DDX46: variants seen among roughly 807,000 people sequenced by gnomAD.
DDX46 encodes the protein DEAD-box helicase 46.
In DDX46, 30 loss-of-function variants were observed where a neutral mutation model predicts 134.9. The ratio of observed to expected loss-of-function variants is 0.22; its 90% CI spans 0.17 to 0.30. The LOEUF is 0.30. DDX46 is among the 10% of genes least tolerant of loss of function. The pLI, the probability that DDX46 is intolerant of heterozygous loss-of-function variation, is 1.00. For synonymous variants in DDX46, 415 were observed against 404.1 expected (o/e 1.03, Z -0.32); for missense variants, 622 against 1,248.7 (o/e 0.50, Z 7.56).
Position 134,805,040 on chromosome 5 carries a change from A to G in DDX46, c.1955-2708A>G, listed in dbSNP as rs78221540. On this transcript the variant is annotated intron_variant, in intron 15 of 22. Transcript: ENST00000452510. ...CAACTTTGTTGGTATAAAGGTAAACAATTCTATTACCAGGGATTCCAGACA... is the reference window on the plus strand; with the variant it reads ...CAACTTTGTTGGTATAAAGGTAAACGATTCTATTACCAGGGATTCCAGACA... The G allele has an allele frequency of 6.9e-3, 2,472 of 357,632 alleles. 14 individuals carry two copies. Among genetic ancestry groups the G allele is most frequent in the Middle Eastern group, 0.031 (28 of 910 alleles). 22.2% of individuals were successfully genotyped at this position (357,632 alleles called of 1,614,324 possible).
intron 1 of DDX46, among the ~76,000 whole-genome samples, chr5:134,763,521 C>CA (rs1753461555): frequency 6.6e-6 from 1 of 152,188 alleles, no homozygotes; most frequent in African/African-American, 2.4e-5. Flanking sequence ...TGTATATCTA[C>CA]ATGGCTCCTT....
Position 134,788,653 on chromosome 5 carries a change from A to G in DDX46, c.1543+62A>G. 3 of 1,423,052 alleles carry G rather than the reference A, an allele frequency of 2.1e-6. No individual in the cohort carries two copies. The South Asian group carries it at 3.5e-5, about 17-fold the overall frequency. 88.2% of individuals were successfully genotyped at this position (1,423,052 alleles called of 1,614,324 possible). On this transcript the variant is annotated intron_variant, in intron 12 of 22. Coordinates refer to ENST00000452510, the MANE Select transcript of DDX46 (RefSeq NM_001300860.2). ...TGAATTCTTTACTTTTTTTTGTTAA[A>G]ACAGATGCAAGAAACCAACAAAGGG...
intron 12 of DDX46, among the ~76,000 whole-genome samples, chr5:134,788,909 A>G (rs1223386379): frequency 6.6e-6 from 1 of 152,008 alleles, no homozygotes; most frequent in Non-Finnish European, 1.5e-5. Flanking sequence ...ATATTTTTGC[A>G]ATTTAAAATT....
At chr5:134,782,665 C>T (rs1453686219) in intron 8 of DDX46, among the ~76,000 whole-genome samples, 4 of 151,852 alleles carry the variant, frequency 2.6e-5, no homozygotes, top group African/African-American at 4.8e-5. Context: ...GTCAGCCTCC[C>T]GAGTAGCTGG....
At chr5:134,825,906 C>T (rs1441327693) in intron 21 of DDX46, 1 of 152,176 alleles carries the variant, frequency 6.6e-6, no homozygotes, top group Non-Finnish European at 1.5e-5. Context: ...ACCTGTTTAC[C>T]TCCTGGAATC....
rs769375039 is a variant in DDX46, at chr5:134,764,017, A to C, written c.131A>C (p.Asp44Ala). The change falls in exon 2 of 23, where the codon GAT becomes GCT. Residue 44 changes from aspartate to alanine, a missense_variant. Transcript: ENST00000452510. ...GATGACAGACGGTCTAGAAGTAGAGATAGAGATAGGAGGAGAGAGAGGTCT... is the reference window on the plus strand; with the variant it reads ...GATGACAGACGGTCTAGAAGTAGAGCTAGAGATAGGAGGAGAGAGAGGTCT... The part of the protein sequence containing the change: ...RGDDRRSRSR[D>A]RDRRRERSRS... 1 of 1,614,220 alleles carries C rather than the reference A, an allele frequency of 6.2e-7. No individual in the cohort carries two copies. Among genetic ancestry groups the C allele is most frequent in the Non-Finnish European group, 8.5e-7 (1 of 1,180,042 alleles).
At chr5:134,791,036 T>G (rs1408806393) in intron 13 of DDX46, among the ~76,000 whole-genome samples, 1 of 152,226 alleles carries the variant, frequency 6.6e-6, no homozygotes, top group Non-Finnish European at 1.5e-5. Flanking sequence ...CAGGCTGGTC[T>G]CGAACTCCTG....
At chr5:134,767,650 C>T (rs1451030264) in intron 3 of DDX46, among the ~76,000 whole-genome samples, 1 of 151,350 alleles carries the variant, frequency 6.6e-6, no homozygotes, top group African/African-American at 2.4e-5. Flanking sequence ...CAAGACTTGT[C>T]TTAAAAGTTA....
chr5:134,777,078 C>T (rs1014378150), intron 5 of DDX46, among the ~76,000 whole-genome samples: 1 of 152,066 alleles, frequency 6.6e-6, no homozygotes, highest in African/African-American at 2.4e-5. Flanking sequence ...GGCATGGTGG[C>T]GGGCACCTGT....
chr5:134,823,538 G>C (rs1755513177), intron 21 of DDX46, among the ~76,000 whole-genome samples: 1 of 152,158 alleles, frequency 6.6e-6, no homozygotes, highest in South Asian at 2.1e-4. Context: ...TGTGTGGCCA[G>C]AACTAGGCAA....
chr5:134,827,526 G>A (rs548201491), intron 22 of DDX46, among the ~76,000 whole-genome samples: 13 of 152,270 alleles, frequency 8.5e-5, no homozygotes, highest in African/African-American at 2.2e-4. Flanking sequence ...ACCTGCCTTG[G>A]CCTCCCAAAG....
intron 15 of DDX46, among the ~76,000 whole-genome samples, chr5:134,797,975 G>C (rs924225243): frequency 1.4e-4 from 21 of 151,664 alleles, no homozygotes; most frequent in Non-Finnish European, 2.8e-4. Context: ...ACCATGCCTG[G>C]CTAATTTTGT....
chr5:134,781,437 T>G (rs111867417), intron 7 of DDX46, among the ~76,000 whole-genome samples, 191 bp downstream of exon 7: 2 of 152,288 alleles, frequency 1.3e-5, no homozygotes, highest in African/African-American at 4.8e-5. Flanking sequence ...TCTGATGTCT[T>G]CATTCCTAAC....
At chr5:134,759,087 T>G (rs1037902535) in intron 1 of DDX46, 132 bp downstream of exon 1, 1 of 1,397,494 alleles carries the variant, frequency 7.2e-7, no homozygotes, top group Non-Finnish European at 9.6e-7. Context: ...CCGCGAGCAT[T>G]GGAAGGGCTG....
chr5:134,772,873 C>T (rs887740469), intron 4 of DDX46, among the ~76,000 whole-genome samples: 1 of 152,100 alleles, frequency 6.6e-6, no homozygotes, highest in Admixed American at 6.6e-5. Context: ...GTGATCTCAG[C>T]TCGCTGCAAC....
intron 4 of DDX46, among the ~76,000 whole-genome samples, chr5:134,771,820 CCT>C (rs1470118328): frequency 6.6e-6 from 1 of 152,110 alleles, no homozygotes; most frequent in East Asian, 1.9e-4. Flanking sequence ...AATATTTACC[CCT>C]GTGGGAAAAT....
intron 18 of DDX46, 150 bp downstream of exon 18, chr5:134,811,995 A>C (rs569989357): frequency 1.4e-6 from 1 of 737,014 alleles, no homozygotes; most frequent in African/African-American, 1.8e-5. Context: ...TGCCTACTAC[A>C]TACCAGTACC....
intron 4 of DDX46, among the ~76,000 whole-genome samples, chr5:134,772,987 A>G (rs892564203): frequency 1.3e-5 from 2 of 152,140 alleles, no homozygotes; most frequent in African/African-American, 4.8e-5. Context: ...TTTAGTAGAG[A>G]CAGGGTTTCA....
intron 9 of DDX46, 132 bp downstream of exon 9, chr5:134,783,197 AT>A (rs1754209891): frequency 3.3e-6 from 4 of 1,230,450 alleles, no homozygotes; most frequent in African/African-American, 3.1e-5. Context: ...CATTGAGATA[AT>A]TTATATATCA....
Sources: allele counts gnomAD v4.1 joint callset (sites outside exome capture counted in the v4.1 genomes callset), GRCh38; gene constraint gnomAD v4.1.1; transcripts MANE v1.5; gene names NCBI Gene and HGNC (gene_info 2026-07-23, HGNC 2026-07-21).